Variants in ARHGAP23 observed in about 807,000 individuals in gnomAD.
The protein encoded by ARHGAP23 is rho GTPase-activating protein 23.
ARHGAP23 carries 34 observed loss-of-function variants against 136.3 expected under a neutral mutation model. That is an observed-to-expected ratio of 0.25 (90% CI 0.19 to 0.33). The LOEUF (loss-of-function observed/expected upper bound fraction) is 0.33. Ranked by LOEUF, ARHGAP23 falls within the 10% of genes least tolerant of loss-of-function variation. ARHGAP23 has a pLI of 1.00. For missense variants in ARHGAP23, 1,808 were observed against 2,139.0 expected, an observed-to-expected ratio of 0.85 and a Z score of 3.05; for synonymous variants, 832 against 920.5, an observed-to-expected ratio of 0.90 and a Z score of 1.74.
chr17:38,485,559 G>A lies in ARHGAP23; in HGVS notation c.2908-503G>A, dbSNP rs200534693. ...TCAGGGCTGGGGTGCAGGTGACAGG[G>A]CAGTGGTGAAGGTGGCTGCTTTAGC... On this transcript the variant is annotated intron_variant, in intron 16 of 23. Coordinates refer to ENST00000622683, the MANE Select transcript of ARHGAP23 (RefSeq NM_001199417.2). Among the ~76,000 whole-genome samples the A allele has an allele frequency of 7.9e-5, 12 of 152,306 alleles. No individual in the cohort carries two copies. The East Asian group carries it at 1.7e-3, about 22-fold the overall frequency.
rs368814770 is a variant in ARHGAP23, at chr17:38,459,983, T to C, written c.226-922T>C. Among the ~76,000 whole-genome samples, 8 of 152,328 alleles carry C rather than the reference T, an allele frequency of 5.3e-5. No homozygotes were observed. In the South Asian group the frequency reaches 1.7e-3, roughly 32 times the overall value. On this transcript the variant is annotated intron_variant, in intron 2 of 23. Transcript: ENST00000622683. ...CCAGCCCTGGCTCTGCCACTGAGTCTCTGAGTGGCCTTGAACACACCATAC... is the reference window on the plus strand; with the variant it reads ...CCAGCCCTGGCTCTGCCACTGAGTCCCTGAGTGGCCTTGAACACACCATAC...
intron 1 of ARHGAP23, among the ~76,000 whole-genome samples, chr17:38,440,948 T>A (rs186997075): frequency 6.6e-6 from 1 of 152,280 alleles, no homozygotes; most frequent in East Asian, 1.9e-4. Context: ...TTTAGAGGCC[T>A]CCAGAGGCTG....
chr17:38,469,385 G>A, intron 8 of ARHGAP23, 86 bp downstream of exon 8: 1 of 1,478,974 alleles, frequency 6.8e-7, no homozygotes, highest in Non-Finnish European at 9.1e-7. Flanking sequence ...CTTGATGTCT[G>A]GCCTCTTCCT....
intron 12 of ARHGAP23, among the ~76,000 whole-genome samples, chr17:38,478,440 A>G (rs1428261042): frequency 2.7e-5 from 4 of 149,092 alleles, no homozygotes; most frequent in African/African-American, 1.0e-4. Context: ...TTTGAGGCAG[A>G]GTCTCGCTCT....
At chr17:38,506,878 T>C (rs2040645308) in intron 23 of ARHGAP23, among the ~76,000 whole-genome samples, 1 of 152,178 alleles carries the variant, frequency 6.6e-6, no homozygotes, top group African/African-American at 2.4e-5. Flanking sequence ...TGTCTGGGTC[T>C]CTGAGCACTG....
At chr17:38,425,248 G>A (rs904582652), upstream of ARHGAP23, among the ~76,000 whole-genome samples, 11 of 152,086 alleles carry the variant, frequency 7.2e-5, no homozygotes, top group Admixed American at 3.9e-4. Flanking sequence ...CTCCAGCCAC[G>A]ATGCCGATGC....
intron 1 of ARHGAP23, chr17:38,453,622 GGACAGGGGCC>G (rs1260447532): frequency 6.7e-6 from 1 of 150,198 alleles, no homozygotes; most frequent in Non-Finnish European, 1.5e-5. Flanking sequence ...GGGCGGCCGC[GGACAGGGGCC>G]GCCCCGGAGG....
intron 8 of ARHGAP23, 43 bp downstream of exon 8, chr17:38,469,342 G>C (rs1277528288): frequency 2.0e-6 from 3 of 1,521,372 alleles, no homozygotes; most frequent in Non-Finnish European, 2.7e-6. Context: ...CTCCCTCGCT[G>C]CCCAGTCCCA....
At position 38,469,314 on chromosome 17, in the gene ARHGAP23, C is replaced by T. The variant is rs1474075730; in HGVS notation, c.1804+15C>T. ...GCAGGACTGCAGTGAGCACTCCCCA[C>T]ACCCCCAGCCCCACCCTCTCCCTCG... On this transcript the variant is annotated intron_variant, in intron 8 of 23. Coordinates refer to ENST00000622683, the MANE Select transcript of ARHGAP23 (RefSeq NM_001199417.2). The T allele has an allele frequency of 1.3e-6, 2 of 1,544,258 alleles. No homozygotes were observed. The highest frequency in any genetic ancestry group is 1.4e-5 in the African/African-American group (1 of 73,092).
chr17:38,423,395 A>G (rs956383795), intron 1 of ARHGAP23, among the ~76,000 whole-genome samples: 3 of 150,630 alleles, frequency 2.0e-5, no homozygotes, highest in African/African-American at 7.3e-5. Flanking sequence ...TTTTTGAAAC[A>G]GAGTCTCATT....
chr17:38,493,449 C>T (rs11870971), intron 20 of ARHGAP23, among the ~76,000 whole-genome samples: 101,608 of 151,936 alleles, frequency 0.67, 35,618 homozygotes, highest in East Asian at 0.91. Context: ...ATCTCGGCCT[C>T]CCAAAGTGCT....
intron 12 of ARHGAP23, among the ~76,000 whole-genome samples, chr17:38,479,184 C>T (rs1597815507): frequency 6.6e-6 from 1 of 152,208 alleles, no homozygotes; most frequent in East Asian, 1.9e-4. Flanking sequence ...ATTCTGCACC[C>T]GGCCCTGAGC....
chr17:38,437,654 T>C (rs1035444564), intron 1 of ARHGAP23, among the ~76,000 whole-genome samples: 1 of 151,584 alleles, frequency 6.6e-6, no homozygotes, highest in African/African-American at 2.4e-5. Flanking sequence ...GCTGGGTCTT[T>C]CAGAATCCTA....
chr17:38,490,811 G>A (rs113870902), intron 19 of ARHGAP23, among the ~76,000 whole-genome samples: 28,611 of 152,168 alleles, frequency 0.19, 2,883 homozygotes, highest in East Asian at 0.37. Flanking sequence ...GCCATCCTCC[G>A]ACTTAGCTCA....
intron 14 of ARHGAP23, among the ~76,000 whole-genome samples, chr17:38,480,450 G>A (rs1348084168): frequency 2.6e-5 from 4 of 152,144 alleles, no homozygotes; most frequent in Non-Finnish European, 4.4e-5. Context: ...TGGCTAACAC[G>A]GTGAAACCCC....
chr17:38,434,435 T>C (rs949257449), intron 1 of ARHGAP23, among the ~76,000 whole-genome samples: 1 of 152,208 alleles, frequency 6.6e-6, no homozygotes, highest in African/African-American at 2.4e-5. Context: ...CTCTTTGAAG[T>C]GACCCTTTCA....
chr17:38,457,136 G>T (rs2039344815), intron 1 of ARHGAP23, among the ~76,000 whole-genome samples: 2 of 152,158 alleles, frequency 1.3e-5, no homozygotes, highest in Non-Finnish European at 1.5e-5. Context: ...TCTCGAACTC[G>T]CCTTGGTCTC....
intron 16 of ARHGAP23, among the ~76,000 whole-genome samples, chr17:38,484,111 G>A (rs1289553966): frequency 6.6e-6 from 1 of 152,182 alleles, no homozygotes; most frequent in Non-Finnish European, 1.5e-5. Flanking sequence ...CATTGGATAC[G>A]AATGCGGAGG....
chr17:38,476,923 A>G (rs1331852804), intron 11 of ARHGAP23, among the ~76,000 whole-genome samples: 2 of 152,070 alleles, frequency 1.3e-5, no homozygotes, highest in African/African-American at 4.8e-5. Context: ...GCAAGTAGAG[A>G]AGACTAGGAA....
Sources: gnomAD v4.1 joint callset for allele counts (sites outside exome capture counted in the v4.1 genomes callset) on GRCh38, gnomAD v4.1.1 for gene constraint, MANE v1.5 for transcripts, NCBI Gene and HGNC (gene_info 2026-07-23, HGNC 2026-07-21) for gene names.